TCF20: variants seen among roughly 807,000 people sequenced by gnomAD.
The protein encoded by TCF20 is SPRE-binding protein.
A neutral mutation model predicts 148.6 loss-of-function variants in TCF20; 3 were observed. The ratio of observed to expected loss-of-function variants is 0.02; its 90% CI spans 0.01 to 0.05. TCF20 has a LOEUF of 0.05. TCF20 is among the 10% of genes least tolerant of loss of function. The pLI is 1.00. For synonymous variants in TCF20, 1,049 were observed against 909.5 expected (o/e 1.15, Z -2.76); for missense variants, 2,350 against 2,429.3 (o/e 0.97, Z 0.69).
chr22:42,201,568 G>C (rs1938021912), intron 2 of TCF20, among the ~76,000 whole-genome samples: 1 of 152,118 alleles, frequency 6.6e-6, no homozygotes, highest in Non-Finnish European at 1.5e-5. Context: ...AGGAGTTCGA[G>C]ATCAGCCTCG....
chr22:42,261,969 T>TG (rs1489600818), intron 1 of TCF20, among the ~76,000 whole-genome samples: 1 of 151,984 alleles, frequency 6.6e-6, no homozygotes, highest in African/African-American at 2.4e-5. Flanking sequence ...CCAGCCTGGG[T>TG]GACAGAGCAA....
At chr22:42,271,088 C>A (rs1015478624), upstream of TCF20, among the ~76,000 whole-genome samples, 7 of 152,128 alleles carry the variant, frequency 4.6e-5, no homozygotes, top group Non-Finnish European at 1.0e-4. Context: ...GGTCTCCTCT[C>A]GGTGACCTGT....
intron 1 of TCF20, among the ~76,000 whole-genome samples, chr22:42,310,388 C>T (rs999973170): frequency 6.8e-6 from 1 of 146,502 alleles, no homozygotes; most frequent in African/African-American, 2.6e-5. Context: ...GGGAGACAGA[C>T]AGTGAGAGAC....
intron 3 of TCF20, among the ~76,000 whole-genome samples, chr22:42,172,019 G>C (rs1466460855): frequency 6.6e-6 from 1 of 152,222 alleles, no homozygotes; most frequent in Non-Finnish European, 1.5e-5. Flanking sequence ...AAGCAGAAAA[G>C]AGTAAGACAC....
At chr22:42,251,096 T>G (rs1467924699) in intron 1 of TCF20, among the ~76,000 whole-genome samples, 2 of 152,158 alleles carry the variant, frequency 1.3e-5, no homozygotes, top group Non-Finnish European at 2.9e-5. Context: ...AACATGAGAT[T>G]TGGGCAGGGA....
chr22:42,242,227 A>AAAAAAAAAAAAAAAT lies in TCF20; in HGVS notation c.-36-26887_-36-26886insATTTTTTTTTTTTTT, dbSNP rs1491280192. Among the ~76,000 whole-genome samples the AAAAAAAAAAAAAAAT allele has an allele frequency of 1.1e-3, 138 of 122,740 alleles. 7 individuals are homozygous for AAAAAAAAAAAAAAAT. The highest frequency in any genetic ancestry group is 1.4e-3 in the African/African-American group (44 of 31,340). 80.5% of individuals were successfully genotyped at this position (122,740 alleles called of 152,430 possible). A position where few individuals can be genotyped will look rare whatever the true frequency, so the allele number is the denominator to read the frequency against. ...CAAAAAAAAAAAAAAAAAAAAAAAA[A>AAAAAAAAAAAAAAAT]CAGAAAAGAAAGGGTGACTACAAGG... is the stretch of plus-strand genomic sequence containing the variant. On this transcript the variant is annotated intron_variant, in intron 1 of 5. Transcript: ENST00000677622.
At chr22:42,268,319 A>C (rs1211824677) in intron 1 of TCF20, among the ~76,000 whole-genome samples, 1 of 152,236 alleles carries the variant, frequency 6.6e-6, no homozygotes. Flanking sequence ...TTACCAGTCA[A>C]AAGCACAGCC....
At chr22:42,165,518 AAG>A in intron 5 of TCF20, among the ~76,000 whole-genome samples, 1 of 152,366 alleles carries the variant, frequency 6.6e-6, no homozygotes, top group Admixed American at 6.5e-5. Context: ...CCTTGGCACA[AAG>A]AGACAGTGGG....
Position 42,244,901 on chromosome 22 carries a change from G to A in TCF20, c.-37+25438C>T, listed in dbSNP as rs190880218. Among the ~76,000 whole-genome samples the A allele has an allele frequency of 1.2e-3, 180 of 148,734 alleles. 1 individual carries two copies. Among genetic ancestry groups the A allele is most frequent in the African/African-American group, 2.9e-3 (116 of 39,712 alleles). ...TCAAGACCAGCCTGGACAACATGGC[G>A]AAACCCCATCTCTACAAAAAAAAAT... On this transcript the variant is annotated intron_variant, in intron 1 of 5. Coordinates refer to ENST00000677622, the MANE Select transcript of TCF20 (RefSeq NM_001378418.1).
intron 5 of TCF20, among the ~76,000 whole-genome samples, chr22:42,167,858 G>T (rs1935884461): frequency 6.6e-6 from 1 of 151,716 alleles, no homozygotes. Flanking sequence ...GAGTAGATGG[G>T]ACTAAAGGCA....
Position 42,340,894 on chromosome 22 carries a change from C to A in TCF20, c.-37+2585G>T, listed in dbSNP as rs547322777. ...AGGAGAGGAGGGAAGCCCCCCCCCCCACCCCAACCAGCCCGCAGCCGGCTC... is the reference window on the plus strand; with the variant it reads ...AGGAGAGGAGGGAAGCCCCCCCCCCAACCCCAACCAGCCCGCAGCCGGCTC... On this transcript the variant is annotated intron_variant, in intron 1 of 1. Transcript: ENST00000515426. 1.3e-3 allele frequency among the ~76,000 whole-genome samples: 174 copies of A among 136,686 alleles called. 1 individual carries two copies. Among genetic ancestry groups the A allele is most frequent in the Middle Eastern group, 3.4e-3 (1 of 298 alleles). 89.7% of individuals were successfully genotyped at this position (136,686 alleles called of 152,430 possible).
intron 2 of TCF20, among the ~76,000 whole-genome samples, chr22:42,184,333 T>C (rs552337731): frequency 6.6e-6 from 1 of 152,314 alleles, no homozygotes; most frequent in South Asian, 2.1e-4. Context: ...TGACGCCTGT[T>C]AGCCCCCTTC....
chr22:42,272,043 G>A (rs1312210884), upstream of TCF20, among the ~76,000 whole-genome samples: 8 of 152,170 alleles, frequency 5.3e-5, no homozygotes, highest in Admixed American at 5.2e-4. Flanking sequence ...GATTTCTCCT[G>A]GCTTCTGTCC....
In TCF20 at chr22:42,213,267, T is replaced by C; in HGVS notation, c.2039A>G (p.Asn680Ser). Residue 680 changes from asparagine to serine, a missense_variant, in exon 2 of 6, where the codon AAT becomes AGT. Coordinates refer to ENST00000677622, the MANE Select transcript of TCF20 (RefSeq NM_001378418.1). ...CGCTGCAGAGTGGCCACTCTGGCCA[T>C]TTCCTTCTCCATTATGGTTGGAGTT... The part of the protein sequence containing the change: ...DNNSNHNGEG[N>S]GQSGHSAAGP... 6.2e-7 allele frequency: 1 copy of C among 1,614,160 alleles called. No homozygotes were observed. Among genetic ancestry groups the C allele is most frequent in the South Asian group, 1.1e-5 (1 of 91,086 alleles).
At chr22:42,308,905 C>T (rs1359468287) in intron 1 of TCF20, among the ~76,000 whole-genome samples, 1 of 152,098 alleles carries the variant, frequency 6.6e-6, no homozygotes, top group Non-Finnish European at 1.5e-5. Context: ...GTAGGTGGCA[C>T]CTGCCTTGCT....
chr22:42,186,388 T>C (rs5758638), intron 2 of TCF20, among the ~76,000 whole-genome samples: 39,860 of 152,160 alleles, frequency 0.26, 5,967 homozygotes, highest in East Asian at 0.46. Flanking sequence ...TTTTACAAAC[T>C]AGAAAGTTAT....
chr22:42,179,507 A>AAAAAGAAAAG, intron 3 of TCF20, 102 bp downstream of exon 3: 1 of 762,394 alleles, frequency 1.3e-6, no homozygotes, highest in African/African-American at 1.8e-5. Context: ...AAAAAAAAAA[A>AAAAAGAAAAG]AAAAGAAAAG....
At chr22:42,202,662 G>C (rs886558630) in intron 2 of TCF20, among the ~76,000 whole-genome samples, 2 of 152,246 alleles carry the variant, frequency 1.3e-5, no homozygotes, top group Non-Finnish European at 2.9e-5. Flanking sequence ...AAGCCTTGAG[G>C]GTCCCGCGAA....
At chr22:42,231,261 T>C (rs115521586) in intron 1 of TCF20, among the ~76,000 whole-genome samples, 485 of 152,250 alleles carry the variant, frequency 3.2e-3, no homozygotes, top group African/African-American at 0.011. Flanking sequence ...GGAGAAAGGA[T>C]TGCTTGATGC....
Sources: allele counts gnomAD v4.1 joint callset (sites outside exome capture counted in the v4.1 genomes callset), GRCh38; gene constraint gnomAD v4.1.1; transcripts MANE v1.5; gene names NCBI Gene and HGNC (gene_info 2026-07-23, HGNC 2026-07-21).